GFRA1: variants seen among roughly 807,000 people sequenced by gnomAD.
The protein encoded by GFRA1 is GDNF family receptor alpha 1, also known as GDNF family receptor alpha-1.
In GFRA1, 16 loss-of-function variants were observed where a neutral mutation model predicts 51.6. That is an observed-to-expected ratio of 0.31 (90% CI 0.21 to 0.47). The LOEUF (loss-of-function observed/expected upper bound fraction) is 0.47. Among genes scored for constraint, GFRA1 ranks in the 20% least tolerant of loss-of-function variants. The pLI is 1.00. For synonymous variants in GFRA1, 270 were observed against 241.3 expected, an observed-to-expected ratio of 1.12 and a Z score of -1.10; for missense variants, 530 against 594.3, an observed-to-expected ratio of 0.89 and a Z score of 1.13.
intron 5 of GFRA1, among the ~76,000 whole-genome samples, chr10:116,145,848 A>C (rs943040235): frequency 6.6e-6 from 1 of 152,194 alleles, no homozygotes. Context: ...ATATTCACAC[A>C]ATGAAATACT....
At chr10:116,266,528 G>A (rs1019308802) in intron 4 of GFRA1, among the ~76,000 whole-genome samples, 3 of 152,304 alleles carry the variant, frequency 2.0e-5, no homozygotes, top group Non-Finnish European at 4.4e-5. Context: ...CACTGTCAGA[G>A]GTCAAATCAC....
intron 5 of GFRA1, among the ~76,000 whole-genome samples, chr10:116,187,320 C>T (rs1307428506): frequency 6.6e-6 from 1 of 152,144 alleles, no homozygotes; most frequent in Non-Finnish European, 1.5e-5. Flanking sequence ...AGTGTCTGCT[C>T]GGCCAGCATC....
chr10:116,206,660 C>T (rs929325404), intron 5 of GFRA1, among the ~76,000 whole-genome samples: 1 of 130,320 alleles, frequency 7.7e-6, no homozygotes, highest in African/African-American at 2.8e-5. Flanking sequence ...CGGAGCCTCA[C>T]TCTGTCGCCC....
intron 6 of GFRA1, among the ~76,000 whole-genome samples, chr10:116,104,351 C>G (rs1449289788): frequency 6.6e-6 from 1 of 152,236 alleles, no homozygotes; most frequent in East Asian, 1.9e-4. Flanking sequence ...ATACATGGGG[C>G]TTCCCCGATC....
chr10:116,216,924 C>T (rs768998908), intron 4 of GFRA1, among the ~76,000 whole-genome samples: 1 of 152,172 alleles, frequency 6.6e-6, no homozygotes, highest in Non-Finnish European at 1.5e-5. Flanking sequence ...GCTGAGCTGC[C>T]CCCTCACCAA....
intron 5 of GFRA1, among the ~76,000 whole-genome samples, chr10:116,152,098 A>G (rs1959087153): frequency 6.6e-6 from 1 of 152,170 alleles, no homozygotes; most frequent in Non-Finnish European, 1.5e-5. Context: ...GGAAAGGCTG[A>G]TGGGGCAAGA....
intron 5 of GFRA1, among the ~76,000 whole-genome samples, chr10:116,164,986 T>C (rs531791167): frequency 6.6e-6 from 1 of 152,342 alleles, no homozygotes; most frequent in South Asian, 2.1e-4. Flanking sequence ...CTTTCCAATA[T>C]TGTGCCTTCT....
At chr10:116,240,435 G>A (rs558627232) in intron 4 of GFRA1, among the ~76,000 whole-genome samples, 18 of 152,286 alleles carry the variant, frequency 1.2e-4, no homozygotes, top group African/African-American at 3.9e-4. Flanking sequence ...TTTCTCATAA[G>A]CTGTAACAAA....
At chr10:116,101,437 GA>G (rs1956813605) in intron 6 of GFRA1, among the ~76,000 whole-genome samples, 1 of 152,060 alleles carries the variant, frequency 6.6e-6, no homozygotes. Context: ...TAAAGAAGAG[GA>G]AAAGGCAGAC....
intron 7 of GFRA1, 32 bp downstream of exon 7, chr10:116,096,621 ACT>A (rs1956588663): frequency 8.4e-7 from 1 of 1,186,210 alleles, no homozygotes; most frequent in East Asian, 2.3e-5. Context: ...TGCAAACCAC[ACT>A]CTTCTCCCAT....
chr10:116,132,914 G>C (rs1445566335), intron 5 of GFRA1, among the ~76,000 whole-genome samples: 2 of 152,124 alleles, frequency 1.3e-5, no homozygotes, highest in African/African-American at 4.8e-5. Flanking sequence ...CTGGGCACAA[G>C]CGCCTTCTCG....
intron 5 of GFRA1, among the ~76,000 whole-genome samples, chr10:116,160,396 G>A (rs1434916035): frequency 2.6e-5 from 4 of 152,102 alleles, no homozygotes; most frequent in Non-Finnish European, 2.9e-5. Flanking sequence ...TAGTTATTTC[G>A]GTATATGTCT....
intron 4 of GFRA1, among the ~76,000 whole-genome samples, chr10:116,218,968 C>A (rs1221264778): frequency 2.6e-5 from 4 of 151,914 alleles, no homozygotes; most frequent in Admixed American, 2.0e-4. Context: ...TCTGAAGGCA[C>A]ACAGTGCTCA....
chr10:116,169,088 C>T (rs1960776212), intron 5 of GFRA1, among the ~76,000 whole-genome samples: 1 of 152,140 alleles, frequency 6.6e-6, no homozygotes, highest in South Asian at 2.1e-4. Flanking sequence ...CCTCATCACC[C>T]CTGAATGCTG....
intron 4 of GFRA1, among the ~76,000 whole-genome samples, chr10:116,261,821 A>G (rs1969323547): frequency 6.6e-6 from 1 of 152,214 alleles, no homozygotes; most frequent in Non-Finnish European, 1.5e-5. Flanking sequence ...GCACCAGCCT[A>G]ATATGTTAAA....
chr10:116,272,098 G>T lies in GFRA1; in HGVS notation c.-69C>A, dbSNP rs1278825766. 1.5e-6 allele frequency: 2 copies of T among 1,321,428 alleles called. No homozygotes were observed. The highest frequency in any genetic ancestry group is 2.1e-6 in the Non-Finnish European group (2 of 939,430). 81.9% of individuals were successfully genotyped at this position (1,321,428 alleles called of 1,614,324 possible). ...GAGCCGCCGCTGGGTCTTGCCGAGG[G>T]AGCTCAGCGTGCAGCGATCCCCGGA... On this transcript the variant is annotated 5_prime_UTR_variant, in exon 2 of 11. Coordinates refer to ENST00000355422, the MANE Select transcript of GFRA1 (RefSeq NM_005264.8). This position sits in a 1 kb window ranked among gnomAD's most constrained non-coding sequence, Gnocchi z 4.4.
chr10:116,101,857 C>G (rs372669488), intron 6 of GFRA1, among the ~76,000 whole-genome samples: 1 of 152,136 alleles, frequency 6.6e-6, no homozygotes, highest in African/African-American at 2.4e-5. Flanking sequence ...TTCCTGAGTG[C>G]GTTGCTTCAT....
chr10:116,077,979 G>A (rs2133822082), intron 9 of GFRA1, among the ~76,000 whole-genome samples: 1 of 152,306 alleles, frequency 6.6e-6, no homozygotes, highest in Non-Finnish European at 1.5e-5. Flanking sequence ...CCATGAGTGA[G>A]ATTTTGTAAA....
intron 5 of GFRA1, among the ~76,000 whole-genome samples, chr10:116,185,914 G>A (rs1962665069): frequency 6.6e-6 from 1 of 152,210 alleles, no homozygotes; most frequent in South Asian, 2.1e-4. Context: ...CATGGACTCT[G>A]CTGCACCCCA....
Sources: gnomAD v4.1 joint callset for allele counts (sites outside exome capture counted in the v4.1 genomes callset) on GRCh38, gnomAD v4.1.1 for gene constraint, Gnocchi (gnomAD v3.1) non-coding constraint, MANE v1.5 for transcripts, NCBI Gene and HGNC (gene_info 2026-07-23, HGNC 2026-07-21) for gene names.